The following NAV2 variants were observed in gnomAD, a reference collection of about 807,000 sequenced individuals.
The protein encoded by NAV2 is helicase, APC down-regulated 1.
A neutral mutation model predicts 223.2 loss-of-function variants in NAV2; 54 were observed. The observed-to-expected ratio is 0.24, with a 90% CI of 0.19 to 0.30. NAV2 has a LOEUF of 0.30. NAV2 is among the 10% of genes least tolerant of loss of function. The pLI, the probability that NAV2 is intolerant of heterozygous loss-of-function variation, is 1.00. For missense variants in NAV2, 2,806 were observed against 3,147.5 expected, an observed-to-expected ratio of 0.89 and a Z score of 2.60; for synonymous variants, 1,279 against 1,239.3, an observed-to-expected ratio of 1.03 and a Z score of -0.67.
chr11:19,665,841 G>T (rs1464557205), intron 1 of NAV2, among the ~76,000 whole-genome samples: 1 of 152,048 alleles, frequency 6.6e-6, no homozygotes, highest in African/African-American at 2.4e-5. Flanking sequence ...TGATACTTAT[G>T]ATTGATTACA....
chr11:19,402,542 A>G (rs947483229), intron 1 of NAV2, among the ~76,000 whole-genome samples: 1 of 152,106 alleles, frequency 6.6e-6, no homozygotes, highest in Non-Finnish European at 1.5e-5. Context: ...TAATTTATAT[A>G]GCTTTTGAAA....
intron 3 of NAV2, among the ~76,000 whole-genome samples, chr11:19,843,282 A>G (rs1301279068): frequency 6.6e-6 from 1 of 152,228 alleles, no homozygotes; most frequent in Non-Finnish European, 1.5e-5. Context: ...TATGGAGCTG[A>G]GGCACGGATG....
intron 1 of NAV2, among the ~76,000 whole-genome samples, chr11:19,427,054 G>A (rs780229764): frequency 8.6e-6 from 1 of 116,128 alleles, no homozygotes; most frequent in Non-Finnish European, 1.7e-5. Context: ...GCAGCTGACC[G>A]GGACACTCTT....
intron 2 of NAV2, among the ~76,000 whole-genome samples, chr11:19,834,432 G>A (rs1172268752): frequency 6.6e-6 from 1 of 152,150 alleles, no homozygotes; most frequent in African/African-American, 2.4e-5. Context: ...TTAACTTAGT[G>A]CGGGGCCTTG....
chr11:19,365,177 G>C (rs369480086), intron 1 of NAV2, among the ~76,000 whole-genome samples: 7 of 152,216 alleles, frequency 4.6e-5, no homozygotes, highest in African/African-American at 1.4e-4. Context: ...AGTGGAAACA[G>C]AAATGAAATC....
At chr11:19,777,392 G>T in intron 1 of NAV2, 1 of 441,160 alleles carries the variant, frequency 2.3e-6, no homozygotes, top group Non-Finnish European at 4.5e-6. Flanking sequence ...GGGCGCGCGG[G>T]CAGGTGCTTC....
rs758717207 is a variant in NAV2, at chr11:20,083,044, A to G, written c.5363A>G (p.Lys1788Arg). ...TTCAAGCAAGCTTTCGGGAAGAAGA[A>G]GTCCCCAAAATCTGCGTCCTCTCAT... The part of the protein sequence containing the change: ...SSFKQAFGKK[K>R]SPKSASSHSD... The change falls in exon 26 of 38, where the codon AAG becomes AGG. Residue 1788 changes from lysine (K) to arginine (R), a missense_variant. By Grantham distance (26) the Lys-to-Arg change is conservative. Coordinates refer to ENST00000349880, the MANE Select transcript of NAV2 (RefSeq NM_145117.5). The G allele has an allele frequency of 3.1e-6, 5 of 1,614,104 alleles. No homozygotes were observed. The South Asian group carries it at 3.3e-5, about 11-fold the overall frequency.
intron 1 of NAV2, among the ~76,000 whole-genome samples, chr11:19,553,873 G>GC (rs1351390137): frequency 6.6e-6 from 1 of 152,218 alleles, no homozygotes; most frequent in East Asian, 1.9e-4. Context: ...TCAGATGGTG[G>GC]AGGCCCAGAA....
Position 19,933,922 on chromosome 11 carries a change from T to G in NAV2, c.1678T>G (p.Ser560Ala). 2 of 1,589,410 alleles carry G rather than the reference T, an allele frequency of 1.3e-6. No individual in the cohort carries two copies. The highest frequency in any genetic ancestry group is 1.7e-6 in the Non-Finnish European group (2 of 1,170,832). The change falls in exon 7 of 38, where the codon TCC (serine) becomes GCC (alanine). Residue 560 changes from serine (S) to alanine (A), a missense_variant. Physicochemically the swap from Ser to Ala is moderately conservative, Grantham distance 99. Around this residue, in one of 4 missense-constraint regions of NAV2, gnomAD observed 1,167 missense variants for 1,180.5 expected, o/e 0.99. Transcript: ENST00000349880. The surrounding 1 kb of genome is among the most constrained non-coding windows in gnomAD (Gnocchi z 4.3). ...NSAKKEPMAPSHSGIPKPGMK... is the reference protein window; with the variant it reads ...NSAKKEPMAPAHSGIPKPGMK... The stretch of plus-strand genomic sequence containing the variant: ...TGCCAAGAAGGAGCCCATGGCCCCT[T>G]CCCACAGTGGAATACCAAAACCAGG...
rs937523356 is a variant in NAV2 at position 19,984,184 on chromosome 11, G to T, written c.2705G>T (p.Gly902Val). 1 of 1,614,048 alleles carries T rather than the reference G, an allele frequency of 6.2e-7. No individual in the cohort carries two copies. The highest frequency in any genetic ancestry group is 8.5e-7 in the Non-Finnish European group (1 of 1,180,038). ...YTRRLNRLPD[G>V]MAVVRETLQR... The stretch of plus-strand genomic sequence containing the variant: ...CGTCGCCTGAACCGGCTCCCTGATG[G>T]GATGGCTGTGGTACGGGAGACCCTG... Residue 902 changes from glycine (G) to valine (V), a missense_variant, in exon 11 of 38, where the codon GGG becomes GTG. Transcript: ENST00000349880.
intron 26 of NAV2, among the ~76,000 whole-genome samples, chr11:20,089,369 G>A (rs2060668717): frequency 6.6e-6 from 1 of 152,176 alleles, no homozygotes; most frequent in Non-Finnish European, 1.5e-5. Context: ...TTTTCTTCCA[G>A]TTCTTTCTGC....
rs796714534 is a variant in NAV2 at position 19,929,268 on chromosome 11, GAAAC to G, written c.932-3906_932-3903del. Among the ~76,000 whole-genome samples the G allele has an allele frequency of 2.8e-4, 42 of 151,862 alleles. 1 individual carries two copies. The highest frequency in any genetic ancestry group is 1.0e-3 in the African/African-American group (42 of 41,252). On this transcript the variant is annotated intron_variant, in intron 6 of 37. Transcript: ENST00000349880. Reference sequence around the variant, plus strand: ...ATTCCATCTCAAAAAAAGAAAAAAAGAAACAGACAAAGGGAGGAACAGGCCCCAA... The same window carrying G: ...ATTCCATCTCAAAAAAAGAAAAAAAGAGACAAAGGGAGGAACAGGCCCCAA...
intron 1 of NAV2, among the ~76,000 whole-genome samples, chr11:19,598,155 G>A (rs2046256466): frequency 6.6e-6 from 1 of 152,164 alleles, no homozygotes. Context: ...AGCAGGGAGA[G>A]GGGAGGGAGT....
chr11:19,379,034 A>T (rs1237782354), intron 1 of NAV2, among the ~76,000 whole-genome samples: 1 of 152,126 alleles, frequency 6.6e-6, no homozygotes, highest in Non-Finnish European at 1.5e-5. Flanking sequence ...TCTCTTCCCC[A>T]GTGTGTGCAG....
rs144553692 is a variant in NAV2, at chr11:19,876,996, A to G, written c.512-2873A>G. On this transcript the variant is annotated intron_variant, in intron 4 of 37. Coordinates refer to ENST00000349880, the MANE Select transcript of NAV2 (RefSeq NM_145117.5). The stretch of plus-strand genomic sequence containing the variant: ...ATTTATTTAAATAAAGAATACTCAA[A>G]TGCCTACCAGCTAGCATTTATTTTA... 5.6e-3 allele frequency among the ~76,000 whole-genome samples: 847 copies of G among 150,496 alleles called. 32 individuals are homozygous for G. The East Asian group carries it at 0.066, about 12-fold the overall frequency.
chr11:19,896,581 C>T (rs899541264), intron 6 of NAV2, among the ~76,000 whole-genome samples: 3 of 152,158 alleles, frequency 2.0e-5, no homozygotes, highest in Non-Finnish European at 4.4e-5. Flanking sequence ...GGGCATATTT[C>T]ACTTAGCATA....
At chr11:20,026,556 C>T (rs1435373815) in intron 11 of NAV2, among the ~76,000 whole-genome samples, 3 of 152,102 alleles carry the variant, frequency 2.0e-5, no homozygotes, top group Non-Finnish European at 2.9e-5. Context: ...GTGATCCACC[C>T]GCCTCGGCCT....
chr11:20,106,898 G>A (rs569229560), intron 35 of NAV2, among the ~76,000 whole-genome samples: 93 of 151,540 alleles, frequency 6.1e-4, no homozygotes, highest in African/African-American at 1.9e-3. Context: ...CACCGGCCTC[G>A]GCCTCCCAAA....
chr11:19,968,394 T>A (rs1189240729), intron 10 of NAV2, among the ~76,000 whole-genome samples: 2 of 152,016 alleles, frequency 1.3e-5, no homozygotes, highest in South Asian at 2.1e-4. Flanking sequence ...TTTTTTGTAT[T>A]TTTTTAGTAG....
Sources: gnomAD v4.1 joint callset for allele counts (sites outside exome capture counted in the v4.1 genomes callset) on GRCh38, gnomAD v4.1.1 for gene constraint, gnomAD v4.1.1 regional missense constraint, Gnocchi (gnomAD v3.1) non-coding constraint, MANE v1.5 for transcripts, NCBI Gene and HGNC (gene_info 2026-07-23, HGNC 2026-07-21) for gene names.